Variants in GPC5 observed in about 807,000 individuals in gnomAD.
GPC5 encodes the protein glypican-5.
GPC5 carries 47 observed loss-of-function variants against 53.9 expected under a neutral mutation model. The ratio of observed to expected loss-of-function variants is 0.87; its 90% confidence interval spans 0.69 to 1.11. The LOEUF (loss-of-function observed/expected upper bound fraction) is 1.11, where lower values mean the gene tolerates loss of function less well. Among genes scored for constraint, GPC5 ranks in the 50% most tolerant of loss-of-function variants. The probability of loss-of-function intolerance (pLI) is 0.00; values close to 1 mark genes in which losing one functional copy is unlikely to be tolerated. For synonymous variants in GPC5, 286 were observed against 263.3 expected (o/e 1.09, Z -0.84); for missense variants, 748 against 713.1 (o/e 1.05, Z -0.56).
chr13:91,670,171 G>A (rs952457547), intron 2 of GPC5, among the ~76,000 whole-genome samples: 6 of 152,158 alleles, frequency 3.9e-5, no homozygotes, highest in African/African-American at 1.4e-4. Context: ...GGGGACCCTA[G>A]ATACAGAGCT....
At position 92,137,065 on chromosome 13, in the gene GPC5, T is replaced by C. The variant is rs1430245261; in HGVS notation, c.1402-7765T>C. Among the ~76,000 whole-genome samples, 3 of 151,942 alleles carry C rather than the reference T, an allele frequency of 2.0e-5. No individual in the cohort carries two copies. In the East Asian group the frequency reaches 5.8e-4, roughly 29 times the overall value. On this transcript the variant is annotated intron_variant, in intron 6 of 7. Transcript: ENST00000377067. ...GAAGCACGTTCCGAAAGTTGTTTTT[T>C]TTTTTCATCCTGTCCTCACTTTGTT...
intron 6 of GPC5, among the ~76,000 whole-genome samples, chr13:92,088,922 A>G (rs2041356325): frequency 6.6e-6 from 1 of 152,188 alleles, no homozygotes; most frequent in African/African-American, 2.4e-5. Context: ...ACAGAAATAA[A>G]CAATAAAAAA....
intron 7 of GPC5, among the ~76,000 whole-genome samples, chr13:92,752,516 C>T (rs566112172): frequency 2.8e-4 from 42 of 152,274 alleles, no homozygotes; most frequent in African/African-American, 9.9e-4. Context: ...TAGCTCCGGT[C>T]TACAGCTCCC....
chr13:91,774,457 G>A (rs1478781150), intron 5 of GPC5, among the ~76,000 whole-genome samples: 2 of 152,142 alleles, frequency 1.3e-5, no homozygotes, highest in African/African-American at 4.8e-5. Flanking sequence ...TGCTGCCTTG[G>A]AGATTATAGC....
At chr13:92,101,741 CA>C in intron 6 of GPC5, among the ~76,000 whole-genome samples, 1 of 152,250 alleles carries the variant, frequency 6.6e-6, no homozygotes, top group Admixed American at 6.5e-5. Flanking sequence ...TGACCTGTTC[CA>C]AAAAGTCAAC....
At chr13:92,180,132 T>C (rs753513877) in intron 7 of GPC5, among the ~76,000 whole-genome samples, 1 of 152,206 alleles carries the variant, frequency 6.6e-6, no homozygotes, top group Non-Finnish European at 1.5e-5. Flanking sequence ...TTTCTCCATG[T>C]GGTGGTCCAG....
chr13:92,692,621 G>A (rs1887434704), intron 7 of GPC5, among the ~76,000 whole-genome samples: 1 of 151,354 alleles, frequency 6.6e-6, no homozygotes, highest in Non-Finnish European at 1.5e-5. Context: ...CATGGCACAT[G>A]TATACATGTG....
In GPC5 at chr13:91,660,817, CCTT is replaced by C. The variant is rs533392279; in HGVS notation, c.326-32367_326-32365del. ...AGTTAAGTCACTACTCCTTCTTAAA[CCTT>C]CTCCTCCTTCTCTATTATTTTATTT... On this transcript the variant is annotated intron_variant, in intron 2 of 7. Transcript: ENST00000377067. 2.6e-5 allele frequency among the ~76,000 whole-genome samples: 4 copies of C among 152,096 alleles called. No homozygotes were observed. In the South Asian group the frequency reaches 8.3e-4, roughly 32 times the overall value.
chr13:91,976,605 A>G (rs1234803745), intron 6 of GPC5, among the ~76,000 whole-genome samples: 2 of 152,194 alleles, frequency 1.3e-5, no homozygotes, highest in Non-Finnish European at 2.9e-5. Context: ...TGGTTTGGGA[A>G]TTATGACACG....
intron 7 of GPC5, among the ~76,000 whole-genome samples, chr13:92,536,887 G>A (rs556676287): frequency 6.2e-4 from 95 of 152,038 alleles, no homozygotes; most frequent in Non-Finnish European, 1.1e-3. Context: ...TTGTTATGCA[G>A]GCTTATTAGT....
At chr13:92,418,466 A>G (rs905601651) in intron 7 of GPC5, among the ~76,000 whole-genome samples, 2 of 152,232 alleles carry the variant, frequency 1.3e-5, no homozygotes, top group Admixed American at 6.5e-5. Flanking sequence ...AAGAATCTCC[A>G]TGGAGAACGG....
chr13:92,391,112 A>G (rs1874981298), intron 7 of GPC5, among the ~76,000 whole-genome samples: 1 of 152,108 alleles, frequency 6.6e-6, no homozygotes, highest in African/African-American at 2.4e-5. Flanking sequence ...ATTGCTGTAG[A>G]GGCATCACAA....
intron 7 of GPC5, among the ~76,000 whole-genome samples, chr13:92,811,862 T>C (rs1566428843): frequency 6.6e-6 from 1 of 151,958 alleles, no homozygotes; most frequent in Non-Finnish European, 1.5e-5. Context: ...TGAAGATACT[T>C]CTTTTTCCTT....
chr13:92,050,904 T>C (rs1056776737), intron 6 of GPC5, among the ~76,000 whole-genome samples: 1 of 152,224 alleles, frequency 6.6e-6, no homozygotes, highest in Non-Finnish European at 1.5e-5. Context: ...CAATGCTTAA[T>C]TGGACTCTCT....
At chr13:92,155,062 T>A (rs1457285640) in intron 7 of GPC5, among the ~76,000 whole-genome samples, 5 of 152,178 alleles carry the variant, frequency 3.3e-5, no homozygotes, top group Non-Finnish European at 7.4e-5. Context: ...TTAGCTCTTA[T>A]TTATTGTAAC....
intron 7 of GPC5, among the ~76,000 whole-genome samples, chr13:92,280,598 G>A (rs1450016917): frequency 1.3e-5 from 2 of 151,886 alleles, no homozygotes; most frequent in Non-Finnish European, 2.9e-5. Flanking sequence ...ATCTTATTAT[G>A]AACTAAAAAT....
chr13:91,788,537 T>G (rs1357756469), intron 5 of GPC5, among the ~76,000 whole-genome samples: 1 of 152,198 alleles, frequency 6.6e-6, no homozygotes, highest in Admixed American at 6.5e-5. Flanking sequence ...TTGGTAACTG[T>G]TTTGCTGCAT....
intron 7 of GPC5, among the ~76,000 whole-genome samples, chr13:92,739,774 A>G (rs1889037563): frequency 6.6e-6 from 1 of 152,040 alleles, no homozygotes; most frequent in Non-Finnish European, 1.5e-5. Context: ...CCAAATTGAA[A>G]AAAGAATAGT....
intron 7 of GPC5, among the ~76,000 whole-genome samples, chr13:92,174,538 GA>G (rs545251875): frequency 0.015 from 1,657 of 113,546 alleles, 18 homozygotes; most frequent in Middle Eastern, 0.053. Context: ...CCAACTCAAA[GA>G]AAAAAAAAAA....
Sources: gnomAD v4.1 joint callset for allele counts (sites outside exome capture counted in the v4.1 genomes callset) on GRCh38, gnomAD v4.1.1 for gene constraint, MANE v1.5 for transcripts, NCBI Gene and HGNC (gene_info 2026-07-23, HGNC 2026-07-21) for gene names.